TXK: variants seen among roughly 807,000 people sequenced by gnomAD.
TXK encodes the protein tyrosine-protein kinase TXK.
A neutral mutation model predicts 81.0 loss-of-function variants in TXK; 60 were observed. The ratio of observed to expected loss-of-function variants is 0.74; its 90% confidence interval spans 0.60 to 0.92. The LOEUF (loss-of-function observed/expected upper bound fraction) is 0.92. Among genes scored for constraint, TXK ranks in the 40% least tolerant of loss-of-function variants. The pLI is 0.00. For missense variants in TXK, 581 were observed against 638.3 expected (o/e 0.91, Z 0.97); for synonymous variants, 203 against 210.7 (o/e 0.96, Z 0.32).
At chr4:48,085,872 T>C (rs1717508361) in intron 10 of TXK, among the ~76,000 whole-genome samples, 1 of 152,170 alleles carries the variant, frequency 6.6e-6, no homozygotes, top group Non-Finnish European at 1.5e-5. Context: ...ATAAAATCTC[T>C]GCATTCACCA....
At chr4:48,128,810 A>G (rs1328030864) in intron 1 of TXK, among the ~76,000 whole-genome samples, 4 of 151,652 alleles carry the variant, frequency 2.6e-5, no homozygotes, top group Non-Finnish European at 4.4e-5. Context: ...CTCGTGATCC[A>G]CCTGCCTCGG....
intron 13 of TXK, among the ~76,000 whole-genome samples, chr4:48,072,557 C>T (rs1716907385): frequency 6.6e-6 from 1 of 152,224 alleles, no homozygotes; most frequent in African/African-American, 2.4e-5. Context: ...ATTAGTGAAA[C>T]TCCTGCAAGA....
At chr4:48,114,049 C>T (rs752941051) in intron 2 of TXK, among the ~76,000 whole-genome samples, 13 of 151,932 alleles carry the variant, frequency 8.6e-5, no homozygotes, top group Non-Finnish European at 1.9e-4. Context: ...GGAAAAAATA[C>T]GTATTGGAGC....
chr4:48,115,158 C>G (rs1284107561), intron 1 of TXK, among the ~76,000 whole-genome samples: 1 of 151,822 alleles, frequency 6.6e-6, no homozygotes, highest in East Asian at 1.9e-4. Flanking sequence ...GATTTTAAGC[C>G]CCGCATGCAT....
chr4:48,070,232 G>T (rs1246097824), intron 14 of TXK, among the ~76,000 whole-genome samples: 1 of 152,174 alleles, frequency 6.6e-6, no homozygotes. Flanking sequence ...GAAGGGCAGG[G>T]GTGTGTTGAG....
chr4:48,125,032 T>C (rs1435007408), intron 1 of TXK, among the ~76,000 whole-genome samples: 3 of 152,220 alleles, frequency 2.0e-5, no homozygotes, highest in Non-Finnish European at 4.4e-5. Context: ...CCTTACCATA[T>C]GCCAGGCATG....
chr4:48,126,093 C>T (rs1719082228), intron 1 of TXK, among the ~76,000 whole-genome samples: 1 of 152,248 alleles, frequency 6.6e-6, no homozygotes, highest in Non-Finnish European at 1.5e-5. Flanking sequence ...ACCATCACAA[C>T]ACATTAAATT....
rs138473957 is a variant in TXK, at chr4:48,086,483, T to G, written c.939A>C (p.Glu313Asp). ...EGSMSEEDFI[E>D]EAKVMMKLSH... ...ATACGTACATCATCACTTTGGCCTC[T>G]TCAATGAAATCCTCTTCAGACATGG... is the stretch of plus-strand genomic sequence containing the variant. The change falls in exon 10 of 15, where the codon GAA becomes GAC. Residue 313 changes from glutamate (E) to aspartate (D), a missense_variant. By Grantham distance (45) the Glu-to-Asp change is conservative (BLOSUM62 2). Transcript: ENST00000264316. The G allele has an allele frequency of 7.3e-4, 1,173 of 1,614,094 alleles. No homozygotes were observed. The highest frequency in any genetic ancestry group is 8.9e-4 in the Non-Finnish European group (1,051 of 1,179,974).
At chr4:48,114,309 A>C in intron 2 of TXK, 39 bp downstream of exon 2, 1 of 1,602,372 alleles carries the variant, frequency 6.2e-7, no homozygotes, top group Non-Finnish European at 8.6e-7. Context: ...AAACGGAATT[A>C]ATTAATTTTC....
chr4:48,097,078 A>G (rs908723847), intron 6 of TXK, among the ~76,000 whole-genome samples: 1 of 152,158 alleles, frequency 6.6e-6, no homozygotes, highest in Non-Finnish European at 1.5e-5. Flanking sequence ...AAATTAATAA[A>G]GACAAAACAT....
At chr4:48,112,730 T>G (rs902989689) in intron 3 of TXK, among the ~76,000 whole-genome samples, 2 of 152,184 alleles carry the variant, frequency 1.3e-5, no homozygotes, top group Non-Finnish European at 1.5e-5. Flanking sequence ...GATCACAAGT[T>G]CTCTTGACAG....
chr4:48,113,829 AG>A (rs921690135), intron 2 of TXK, among the ~76,000 whole-genome samples: 7 of 152,122 alleles, frequency 4.6e-5, no homozygotes, highest in Non-Finnish European at 5.9e-5. Context: ...AAAAAAAAGT[AG>A]GTGGTTTTGA....
intron 1 of TXK, among the ~76,000 whole-genome samples, chr4:48,132,325 A>G (rs985003670): frequency 1.9e-4 from 29 of 152,168 alleles, no homozygotes; most frequent in African/African-American, 6.3e-4. Context: ...AGGTAAATTA[A>G]TAAGTATTTC....
intron 10 of TXK, among the ~76,000 whole-genome samples, chr4:48,085,000 T>C (rs191634832): frequency 1.3e-5 from 2 of 152,324 alleles, no homozygotes; most frequent in Admixed American, 1.3e-4. Flanking sequence ...TAAATTTCTC[T>C]GGAAAACAGA....
At chr4:48,094,022 T>C in intron 8 of TXK, 55 bp downstream of exon 8, 2 of 1,608,462 alleles carry the variant, frequency 1.2e-6, no homozygotes. Context: ...CAAAGATGCA[T>C]TGCCCATCAA....
intron 1 of TXK, among the ~76,000 whole-genome samples, chr4:48,133,336 A>G (rs1366118224): frequency 2.6e-5 from 4 of 152,198 alleles, no homozygotes; most frequent in African/African-American, 7.2e-5. Flanking sequence ...CTGTTCTCCT[A>G]AAACAAGCAC....
chr4:48,122,135 T>C (rs1718977756), intron 1 of TXK, among the ~76,000 whole-genome samples: 1 of 152,146 alleles, frequency 6.6e-6, no homozygotes, highest in African/African-American at 2.4e-5. Context: ...TAATTTGTCT[T>C]AAGTCTGATC....
intron 5 of TXK, among the ~76,000 whole-genome samples, chr4:48,106,428 G>T (rs1034803795): frequency 6.6e-6 from 1 of 151,492 alleles, no homozygotes; most frequent in Non-Finnish European, 1.5e-5. Flanking sequence ...GTAACTCTTA[G>T]ACAACTCTTA....
chr4:48,114,117 C>T (rs191340407), intron 2 of TXK, among the ~76,000 whole-genome samples: 3 of 152,188 alleles, frequency 2.0e-5, no homozygotes, highest in East Asian at 3.9e-4. Flanking sequence ...ATGCCGCACA[C>T]GGTGGGAATG....
Sources: gnomAD v4.1 joint callset for allele counts (sites outside exome capture counted in the v4.1 genomes callset) on GRCh38, gnomAD v4.1.1 for gene constraint, MANE v1.5 for transcripts, NCBI Gene and HGNC (gene_info 2026-07-23, HGNC 2026-07-21) for gene names.